Variants in SRCIN1 observed in about 807,000 individuals in gnomAD.
The protein encoded by SRCIN1 is P130Cas-associated protein.
SRCIN1 carries 50 observed loss-of-function variants against 116.2 expected under a neutral mutation model. The ratio of observed to expected loss-of-function variants is 0.43; its 90% CI spans 0.34 to 0.54. The LOEUF is 0.54. SRCIN1 is among the 20% of genes least tolerant of loss of function. The pLI, the probability that SRCIN1 is intolerant of heterozygous loss-of-function variation, is 0.02. For missense variants in SRCIN1, 1,446 were observed against 1,672.0 expected (o/e 0.86, Z 2.36); for synonymous variants, 736 against 750.0 (o/e 0.98, Z 0.30).
intron 15 of SRCIN1, among the ~76,000 whole-genome samples, chr17:38,550,651 CT>C (rs1404038602): frequency 6.6e-6 from 1 of 152,200 alleles, no homozygotes; most frequent in Non-Finnish European, 1.5e-5. Flanking sequence ...CAAGCCCTGT[CT>C]TATTTCCGTA....
chr17:38,553,977 C>A (rs949604088), intron 11 of SRCIN1, among the ~76,000 whole-genome samples: 1 of 152,254 alleles, frequency 6.6e-6, no homozygotes, highest in East Asian at 1.9e-4. Flanking sequence ...TTTGGGAGGC[C>A]GAGGTGGGCT....
At chr17:38,567,836 T>C (rs1461345416) in intron 3 of SRCIN1, among the ~76,000 whole-genome samples, 1 of 152,128 alleles carries the variant, frequency 6.6e-6, no homozygotes, top group East Asian at 1.9e-4. Context: ...AGGTGAGATA[T>C]GAATTCAAAG....
chr17:38,586,173 A>T (rs1039070663), intron 1 of SRCIN1, among the ~76,000 whole-genome samples: 1 of 152,180 alleles, frequency 6.6e-6, no homozygotes, highest in Admixed American at 6.5e-5. Context: ...CACTAGGGAC[A>T]TGGGGCAAGG....
intron 1 of SRCIN1, among the ~76,000 whole-genome samples, chr17:38,586,338 G>A (rs546681055): frequency 2.0e-5 from 3 of 152,316 alleles, no homozygotes; most frequent in East Asian, 3.9e-4. Flanking sequence ...GGGGCGGGGG[G>A]AGATGGACAA....
At chr17:38,605,547 TCGCCCCGCCGGCCACCGCCTCCC>T (rs1909312539) in intron 1 of SRCIN1, 114 bp downstream of exon 1, 1 of 521,092 alleles carries the variant, frequency 1.9e-6, no homozygotes, top group East Asian at 7.4e-5. Flanking sequence ...CCAGCATCCC[TCGCCCCGCCGGCCACCGCCTCCC>T]CGGCCCGGCC....
At chr17:38,578,359 C>T (rs1597920219) in intron 2 of SRCIN1, 131 bp downstream of exon 2, 1 of 1,209,472 alleles carries the variant, frequency 8.3e-7, no homozygotes, top group South Asian at 1.7e-5. Flanking sequence ...AACTCCTCCC[C>T]TTCTTCCCTC....
At position 38,568,126 on chromosome 17, in the gene SRCIN1, T is replaced by G; in HGVS notation, c.345+85A>C. 6.5e-7 allele frequency: 1 copy of G among 1,535,510 alleles called. No homozygotes were observed. Among genetic ancestry groups the G allele is most frequent in the Non-Finnish European group, 9.0e-7 (1 of 1,116,130 alleles). On this transcript the variant is annotated intron_variant, in intron 3 of 18. Transcript: ENST00000617146. The surrounding 1 kb of genome is among the most constrained non-coding windows in gnomAD (Gnocchi z 4.5). ...GTGTCCGTGCAGATGCGCACCCCGG[T>G]GCAAAGCCTGTGCAAGGGAGAGGCA... is the stretch of plus-strand genomic sequence containing the variant.
At position 38,562,020 on chromosome 17, in the gene SRCIN1, C is replaced by T. The variant is rs2143187424; in HGVS notation, c.1143G>A (p.Ala381=). 1 of 1,492,914 alleles carries T rather than the reference C, an allele frequency of 6.7e-7. No individual in the cohort carries two copies. The highest frequency in any genetic ancestry group is 1.3e-5 in the South Asian group (1 of 79,504). The allele number at this position is 1,492,914 out of a possible 1,614,324, so 92.5% of individuals were successfully genotyped here. A position where few individuals can be genotyped will look rare whatever the true frequency, so the allele number is the denominator to read the frequency against. The change falls in exon 7 of 19, where the codon GCG becomes GCA. Residue 381 remains alanine, a synonymous_variant. Coordinates refer to ENST00000617146, the MANE Select transcript of SRCIN1 (RefSeq NM_025248.3). The surrounding 1 kb of genome is among the most constrained non-coding windows in gnomAD (Gnocchi z 4.2). ...CCAGCACCATGCCGCCCGCCTTGCT[C>T]GCCAGGTCCTCGTCCGGCTTCACGT... is the stretch of plus-strand genomic sequence containing the variant. ...RRDVKPDEDL[A]SKAGGMVLVK...
intron 18 of SRCIN1, among the ~76,000 whole-genome samples, chr17:38,535,364 A>T (rs2040987236): frequency 1.3e-5 from 2 of 151,596 alleles, no homozygotes; most frequent in Non-Finnish European, 2.9e-5. Context: ...ATGCGCCACC[A>T]CGCCCGGCTA....
rs895359765 is a variant in SRCIN1 at position 38,540,849 on chromosome 17, G to A, written c.3417+2974C>T. Among the ~76,000 whole-genome samples, 3 of 152,122 alleles carry A rather than the reference G, an allele frequency of 2.0e-5. No homozygotes were observed. The East Asian group carries it at 5.8e-4, about 29-fold the overall frequency. Reference sequence around the variant, plus strand: ...CCCAGGTCTTGGGAAATCAGTTAGAGGTGACAGAAGTCACAAGGAGATCTT... The same window carrying A: ...CCCAGGTCTTGGGAAATCAGTTAGAAGTGACAGAAGTCACAAGGAGATCTT... On this transcript the variant is annotated intron_variant, in intron 18 of 18. Transcript: ENST00000617146.
intron 1 of SRCIN1, among the ~76,000 whole-genome samples, chr17:38,599,975 G>A (rs1043371415): frequency 6.6e-6 from 1 of 152,168 alleles, no homozygotes; most frequent in East Asian, 1.9e-4. Flanking sequence ...CCTCATAATT[G>A]ATTGTTTATT....
chr17:38,564,692 T>C (rs1195177702), intron 3 of SRCIN1, among the ~76,000 whole-genome samples: 1 of 142,840 alleles, frequency 7.0e-6, no homozygotes, highest in Non-Finnish European at 1.5e-5. Flanking sequence ...GTTCCAGACA[T>C]TAATTAAGTG....
chr17:38,539,956 G>A (rs1358491048), intron 18 of SRCIN1, among the ~76,000 whole-genome samples: 2 of 149,530 alleles, frequency 1.3e-5, no homozygotes, highest in African/African-American at 2.5e-5. Context: ...GGGAGGCAGA[G>A]GTTGCCGTGA....
chr17:38,578,805 GA>G lies in SRCIN1; in HGVS notation c.23-15del. ...TCCGCTCCGGATCTGCGAGAGGTGA[GA>G]GGGGCACGGCTGGGTCACGGCGCGC... On this transcript the variant is annotated splice_polypyrimidine_tract_variant and intron_variant, in intron 1 of 18. Transcript: ENST00000617146. 6.8e-7 allele frequency: 1 copy of G among 1,477,866 alleles called. No homozygotes were observed. The highest frequency in any genetic ancestry group is 9.0e-7 in the Non-Finnish European group (1 of 1,116,760). 91.5% of individuals were successfully genotyped at this position (1,477,866 alleles called of 1,614,324 possible).
At chr17:38,567,616 C>T (rs568311933) in intron 3 of SRCIN1, among the ~76,000 whole-genome samples, 34 of 152,184 alleles carry the variant, frequency 2.2e-4, no homozygotes, top group African/African-American at 7.9e-4. Context: ...CAACAGGATA[C>T]CCTGGGAGGG....
At chr17:38,582,262 C>T (rs1408223827) in intron 1 of SRCIN1, among the ~76,000 whole-genome samples, 3 of 152,190 alleles carry the variant, frequency 2.0e-5, no homozygotes, top group African/African-American at 7.2e-5. Flanking sequence ...CCTGGGGGAT[C>T]TCAGTGTGTC....
At chr17:38,554,480 C>T (rs2471624) in intron 11 of SRCIN1, among the ~76,000 whole-genome samples, 1,686 of 152,180 alleles carry the variant, frequency 0.011, 42 homozygotes, top group African/African-American at 0.038. Flanking sequence ...GGCACACACA[C>T]GTGCTAACTC....
intron 11 of SRCIN1, among the ~76,000 whole-genome samples, chr17:38,557,110 C>T (rs1408714191): frequency 6.6e-6 from 1 of 152,210 alleles, no homozygotes; most frequent in East Asian, 1.9e-4. Context: ...CTATTTCAGC[C>T]ACATGGTGTC....
chr17:38,579,650 C>T (rs1384224852), intron 1 of SRCIN1, among the ~76,000 whole-genome samples: 5 of 152,170 alleles, frequency 3.3e-5, no homozygotes, highest in South Asian at 2.1e-4. Flanking sequence ...CCATAAGAGA[C>T]GTACAGGGGA....
Sources: gnomAD v4.1 joint callset for allele counts (sites outside exome capture counted in the v4.1 genomes callset) on GRCh38, gnomAD v4.1.1 for gene constraint, Gnocchi (gnomAD v3.1) non-coding constraint, MANE v1.5 for transcripts, NCBI Gene and HGNC (gene_info 2026-07-23, HGNC 2026-07-21) for gene names.